The following PIP5K1B variants were observed in gnomAD, a reference collection of about 807,000 sequenced individuals.
The protein encoded by PIP5K1B is phosphatidylinositol-4-phosphate 5-kinase type 1 beta.
A neutral mutation model predicts 67.0 loss-of-function variants in PIP5K1B; 42 were observed. That is an observed-to-expected ratio of 0.63 (90% CI 0.49 to 0.81). PIP5K1B has a LOEUF of 0.81. Among genes scored for constraint, PIP5K1B ranks in the 30% least tolerant of loss-of-function variants. The pLI, the probability that PIP5K1B is intolerant of heterozygous loss-of-function variation, is 0.00. For missense variants in PIP5K1B, 459 were observed against 646.3 expected (o/e 0.71, Z 3.14); for synonymous variants, 214 against 231.4 (o/e 0.92, Z 0.68).
At chr9:68,733,970 G>A (rs986724193) in intron 1 of PIP5K1B, among the ~76,000 whole-genome samples, 1 of 152,140 alleles carries the variant, frequency 6.6e-6, no homozygotes, top group African/African-American at 2.4e-5. Context: ...CATTTAACTA[G>A]TATATTTATT....
chr9:68,842,111 T>C (rs983038766), intron 4 of PIP5K1B, among the ~76,000 whole-genome samples: 1 of 152,218 alleles, frequency 6.6e-6, no homozygotes, highest in Non-Finnish European at 1.5e-5. Context: ...TTCATGTTGG[T>C]TTCCACTTGG....
chr9:68,993,286 TC>T (rs1162375811), intron 15 of PIP5K1B, among the ~76,000 whole-genome samples: 1 of 152,116 alleles, frequency 6.6e-6, no homozygotes, highest in Non-Finnish European at 1.5e-5. Flanking sequence ...TCCTTGGTGT[TC>T]CTCTCACAGA....
chr9:68,905,775 A>T (rs1252739170), intron 8 of PIP5K1B, among the ~76,000 whole-genome samples: 1 of 152,186 alleles, frequency 6.6e-6, no homozygotes, highest in African/African-American at 2.4e-5. Context: ...TGGAGTACCG[A>T]TGGTGCTGTA....
intron 14 of PIP5K1B, among the ~76,000 whole-genome samples, chr9:68,946,389 GGTTTTTT>G (rs888621321): frequency 2.1e-4 from 32 of 150,900 alleles, no homozygotes; most frequent in African/African-American, 7.6e-4. Flanking sequence ...GTTCTTTTAT[GGTTTTTT>G]GTTTTTTGTT....
intron 2 of PIP5K1B, among the ~76,000 whole-genome samples, chr9:68,748,652 A>C (rs1829455850): frequency 6.9e-5 from 7 of 101,756 alleles, no homozygotes; most frequent in Admixed American, 1.4e-4. Context: ...ACAGAGTTTC[A>C]CTCTTGTTGC....
chr9:68,780,073 G>T (rs1288137136), intron 2 of PIP5K1B: 10 of 1,426,002 alleles, frequency 7.0e-6, no homozygotes, highest in African/African-American at 4.4e-5. Context: ...ACAGATTCTC[G>T]GTGGCGGCGG....
chr9:68,873,253 A>T, intron 5 of PIP5K1B, among the ~76,000 whole-genome samples: 1 of 145,850 alleles, frequency 6.9e-6, no homozygotes, highest in African/African-American at 2.5e-5. Flanking sequence ...TCATATCGTC[A>T]GCTATTTTTT....
chr9:68,781,368 T>C (rs1017444858), intron 2 of PIP5K1B: 2 of 217,692 alleles, frequency 9.2e-6, no homozygotes, highest in African/African-American at 4.7e-5. Flanking sequence ...CTGATGAAAA[T>C]ATAAATGTTG....
At chr9:68,766,680 G>A (rs1011701139) in intron 2 of PIP5K1B, among the ~76,000 whole-genome samples, 5 of 152,146 alleles carry the variant, frequency 3.3e-5, no homozygotes, top group Admixed American at 1.3e-4. Flanking sequence ...TGATGGGATT[G>A]TGGGTAATTT....
chr9:68,874,434 TG>T (rs1373710131), intron 5 of PIP5K1B, among the ~76,000 whole-genome samples: 1 of 152,196 alleles, frequency 6.6e-6, no homozygotes, highest in Non-Finnish European at 1.5e-5. Flanking sequence ...TGGGTGTACG[TG>T]TGTCTGTGTG....
chr9:68,776,215 A>G (rs1166791223), intron 2 of PIP5K1B, among the ~76,000 whole-genome samples: 1 of 152,186 alleles, frequency 6.6e-6, no homozygotes, highest in Non-Finnish European at 1.5e-5. Context: ...ACATACACAC[A>G]TTTTTGTATT....
chr9:68,999,024 C>G (rs907788967), intron 15 of PIP5K1B, among the ~76,000 whole-genome samples: 1 of 152,150 alleles, frequency 6.6e-6, no homozygotes, highest in Admixed American at 6.5e-5. Context: ...TGCCACACTT[C>G]CTCTGAAGGC....
At chr9:68,857,888 A>G (rs1237448429) in intron 4 of PIP5K1B, among the ~76,000 whole-genome samples, 1 of 152,108 alleles carries the variant, frequency 6.6e-6, no homozygotes, top group African/African-American at 2.4e-5. Context: ...AAGGAGAAAT[A>G]ATAAATAAAT....
intron 8 of PIP5K1B, among the ~76,000 whole-genome samples, chr9:68,911,961 A>G (rs1825876714): frequency 6.6e-6 from 1 of 152,208 alleles, no homozygotes. Flanking sequence ...TTAGGAATGA[A>G]GTCAGATTAA....
chr9:68,833,176 A>T (rs1834408870), intron 4 of PIP5K1B, among the ~76,000 whole-genome samples: 2 of 152,268 alleles, frequency 1.3e-5, no homozygotes. Flanking sequence ...ATAATTACTA[A>T]CTTTTAAAGT....
At chr9:68,926,633 G>A (rs564985440) in intron 12 of PIP5K1B, among the ~76,000 whole-genome samples, 11 of 152,072 alleles carry the variant, frequency 7.2e-5, no homozygotes, top group Middle Eastern at 3.4e-3. Flanking sequence ...GTGCAATGGC[G>A]CAATCTTGGC....
chr9:68,880,588 C>T (rs994297629), intron 6 of PIP5K1B, among the ~76,000 whole-genome samples: 1 of 41,884 alleles, frequency 2.4e-5, no homozygotes, highest in Non-Finnish European at 6.7e-5. Context: ...CACACACACA[C>T]GCATACACAC....
chr9:68,963,955 T>G (rs953716635), intron 14 of PIP5K1B: 6 of 152,202 alleles, frequency 3.9e-5, no homozygotes, highest in African/African-American at 1.4e-4. Flanking sequence ...TGAATAAATA[T>G]ATATCTCCTA....
At chr9:68,716,645 T>G (rs780838984) in intron 1 of PIP5K1B, among the ~76,000 whole-genome samples, 36 of 152,230 alleles carry the variant, frequency 2.4e-4, no homozygotes, top group Non-Finnish European at 4.0e-4. Flanking sequence ...TTTGCAAATT[T>G]GTTCAGCCAC....
Sources: allele counts gnomAD v4.1 joint callset (sites outside exome capture counted in the v4.1 genomes callset), GRCh38; gene constraint gnomAD v4.1.1; transcripts MANE v1.5; gene names NCBI Gene and HGNC (gene_info 2026-07-23, HGNC 2026-07-21).